Variants in DACH1 observed in about 807,000 individuals in gnomAD.
DACH1 encodes dachshund homolog 1.
In DACH1, 12 loss-of-function variants were observed where a neutral mutation model predicts 54.2. The ratio of observed to expected loss-of-function variants is 0.22; its 90% CI spans 0.14 to 0.36. The LOEUF is 0.36. Among genes scored for constraint, DACH1 ranks in the 10% least tolerant of loss-of-function variants. The pLI, the probability that DACH1 is intolerant of heterozygous loss-of-function variation, is 1.00. For missense variants in DACH1, 805 were observed against 929.8 expected, an observed-to-expected ratio of 0.87 and a Z score of 1.75; for synonymous variants, 386 against 366.2, an observed-to-expected ratio of 1.05 and a Z score of -0.62.
intron 3 of DACH1, among the ~76,000 whole-genome samples, chr13:71,608,269 T>C (rs138901861): frequency 1.8e-4 from 28 of 152,070 alleles, no homozygotes; most frequent in African/African-American, 6.7e-4. Context: ...TATAAACAAA[T>C]CCACTTACAA....
At chr13:71,576,613 A>G (rs938267769) in intron 3 of DACH1, among the ~76,000 whole-genome samples, 1 of 152,172 alleles carries the variant, frequency 6.6e-6, no homozygotes, top group African/African-American at 2.4e-5. Flanking sequence ...GCACCAGATT[A>G]TTGAATAGTC....
At chr13:71,690,978 A>T (rs756695954) in intron 1 of DACH1, among the ~76,000 whole-genome samples, 1 of 152,224 alleles carries the variant, frequency 6.6e-6, no homozygotes, top group Non-Finnish European at 1.5e-5. Context: ...CATAATCACA[A>T]ATAAAAATGT....
intron 1 of DACH1, among the ~76,000 whole-genome samples, chr13:71,772,625 A>G (rs925469010): frequency 8.6e-5 from 13 of 151,900 alleles, no homozygotes; most frequent in Admixed American, 7.2e-4. Flanking sequence ...TCATTGAGGC[A>G]ATATCCTGGT....
intron 2 of DACH1, among the ~76,000 whole-genome samples, chr13:71,632,687 T>A (rs750043920): frequency 9.2e-5 from 14 of 152,118 alleles, no homozygotes; most frequent in Non-Finnish European, 1.8e-4. Flanking sequence ...TTCCTTCAGA[T>A]CAGACCAAAG....
Position 71,866,470 on chromosome 13 carries a change from A to ACCG in DACH1, c.297_299dup (p.Gly101dup), listed in dbSNP as rs534501618. On this transcript the variant is annotated inframe_insertion, in exon 1 of 11. Transcript: ENST00000613252. ...CCAGGTTGGGGTTGCAGTTGCTGCC[A>ACCG]CCGCCGCCGCCGCCACCGCCGCCTC... The ACCG allele has an allele frequency of 6.4e-6, 8 of 1,256,846 alleles. No individual in the cohort carries two copies. Among genetic ancestry groups the ACCG allele is most frequent in the Non-Finnish European group, 7.0e-6 (7 of 1,002,276 alleles). 77.9% of individuals were successfully genotyped at this position (1,256,846 alleles called of 1,614,324 possible). A position where few individuals can be genotyped will look rare whatever the true frequency, so the allele number is the denominator to read the frequency against.
intron 2 of DACH1, among the ~76,000 whole-genome samples, chr13:71,646,515 T>C (rs1878283691): frequency 6.6e-6 from 1 of 152,124 alleles, no homozygotes; most frequent in Non-Finnish European, 1.5e-5. Flanking sequence ...TCAGAAGTGA[T>C]CCATTAGCCC....
chr13:71,778,921 T>C (rs1886189625), intron 1 of DACH1, among the ~76,000 whole-genome samples: 2 of 151,974 alleles, frequency 1.3e-5, no homozygotes, highest in South Asian at 4.1e-4. Context: ...ATATTTTCAT[T>C]GTAACCATTC....
chr13:71,521,071 G>T (rs1881564103), intron 6 of DACH1, among the ~76,000 whole-genome samples: 1 of 151,984 alleles, frequency 6.6e-6, no homozygotes, highest in African/African-American at 2.4e-5. Context: ...GAGCCAAACT[G>T]CTGGAATTCA....
intron 6 of DACH1, among the ~76,000 whole-genome samples, chr13:71,529,183 G>GTTTTTTTTTTGTTTGTTTTTTTTTTTTT (rs1299574030): frequency 1.2e-5 from 1 of 80,980 alleles, no homozygotes; most frequent in African/African-American, 4.4e-5. Context: ...TGTGATTTGG[G>GTTTTTTTTTTGTTTGTTTTTTTTTTTTT]TTTTTTTTTT....
chr13:71,785,955 C>T (rs1055604989), intron 1 of DACH1, among the ~76,000 whole-genome samples: 3 of 152,124 alleles, frequency 2.0e-5, no homozygotes, highest in African/African-American at 7.2e-5. Flanking sequence ...TACCAGAGAG[C>T]ATACCTTTCA....
intron 6 of DACH1, among the ~76,000 whole-genome samples, chr13:71,491,703 TGGGTCTC>T (rs1878995049): frequency 6.6e-6 from 1 of 152,186 alleles, no homozygotes; most frequent in East Asian, 1.9e-4. Context: ...AATATTCCTT[TGGGTCTC>T]ATGACCCTAT....
intron 1 of DACH1, among the ~76,000 whole-genome samples, chr13:71,864,961 G>T (rs191135020): frequency 2.6e-5 from 4 of 152,208 alleles, no homozygotes; most frequent in Non-Finnish European, 5.9e-5. Flanking sequence ...GAGAGAGAAA[G>T]ACAGAAAGAA....
intron 1 of DACH1, among the ~76,000 whole-genome samples, chr13:71,697,860 T>C (rs1377416067): frequency 3.3e-5 from 5 of 152,152 alleles, no homozygotes; most frequent in Admixed American, 3.3e-4. Context: ...GCTGGCTATT[T>C]GAAAAGTTGA....
At chr13:71,722,710 A>G (rs1476595336) in intron 1 of DACH1, among the ~76,000 whole-genome samples, 1 of 152,188 alleles carries the variant, frequency 6.6e-6, no homozygotes, top group Non-Finnish European at 1.5e-5. Context: ...TTCAGTTTCA[A>G]AAGTTGAGGA....
intron 1 of DACH1, among the ~76,000 whole-genome samples, chr13:71,789,859 C>T (rs1201465513): frequency 6.6e-6 from 1 of 152,046 alleles, no homozygotes; most frequent in Non-Finnish European, 1.5e-5. Flanking sequence ...GTAACAACAA[C>T]AACAAAAAAT....
rs200939748 is a variant in DACH1 at position 71,642,880 on chromosome 13, CCAGA to C, written c.965-12167_965-12164del. ...ACTGAAAAAAATATACAAAAATTAG[CCAGA>C]CATAGTGGCACGTGCCTGTAATCCC... On this transcript the variant is annotated intron_variant, in intron 2 of 10. Coordinates refer to ENST00000613252, the MANE Select transcript of DACH1 (RefSeq NM_080759.6). Among the ~76,000 whole-genome samples the C allele has an allele frequency of 5.8e-3, 880 of 151,932 alleles. 34 individuals are homozygous for C. Among genetic ancestry groups the C allele is most frequent in the East Asian group, 3.1e-3 (16 of 5,138 alleles).
intron 1 of DACH1, among the ~76,000 whole-genome samples, chr13:71,699,647 G>A (rs1882012190): frequency 6.6e-6 from 1 of 152,162 alleles, no homozygotes; most frequent in African/African-American, 2.4e-5. Context: ...AAAAAGAATG[G>A]AGAATCTTGC....
At chr13:71,733,919 C>T (rs147116289) in intron 1 of DACH1, among the ~76,000 whole-genome samples, 1,739 of 151,940 alleles carry the variant, frequency 0.011, 21 homozygotes, top group Non-Finnish European at 0.02. Context: ...CATGGTGGCC[C>T]GTACCTGTAG....
intron 6 of DACH1, 126 bp downstream of exon 6, chr13:71,556,898 G>A: frequency 1.9e-6 from 2 of 1,026,100 alleles, no homozygotes; most frequent in South Asian, 2.1e-5. Flanking sequence ...TTAATATTGT[G>A]GATTTTAAAA....
Sources: gnomAD v4.1 joint callset for allele counts (sites outside exome capture counted in the v4.1 genomes callset) on GRCh38, gnomAD v4.1.1 for gene constraint, MANE v1.5 for transcripts, NCBI Gene and HGNC (gene_info 2026-07-23, HGNC 2026-07-21) for gene names.